Variants in CHN1 observed in about 807,000 individuals in gnomAD.
CHN1 encodes the protein chimerin 1.
In CHN1, 37 loss-of-function variants were observed where a neutral mutation model predicts 59.5. The observed-to-expected ratio is 0.62, with a 90% CI of 0.48 to 0.82. The LOEUF (loss-of-function observed/expected upper bound fraction) is 0.82, where lower values mean the gene tolerates loss of function less well. Ranked by LOEUF, CHN1 falls within the 40% of genes least tolerant of loss-of-function variation. The pLI is 0.00. For synonymous variants in CHN1, 206 were observed against 200.4 expected (o/e 1.03, Z -0.24); for missense variants, 469 against 571.0 (o/e 0.82, Z 1.82).
chr2:174,814,851 C>A (rs1190020004), intron 8 of CHN1, among the ~76,000 whole-genome samples: 1 of 151,116 alleles, frequency 6.6e-6, no homozygotes, highest in Non-Finnish European at 1.5e-5. Context: ...CAGATGCTTC[C>A]ATATCTACAC....
At chr2:174,844,265 T>TA (rs1311163568) in intron 7 of CHN1, among the ~76,000 whole-genome samples, 1 of 151,554 alleles carries the variant, frequency 6.6e-6, no homozygotes, top group African/African-American at 2.4e-5. Flanking sequence ...TTTATTCTAC[T>TA]AAAAAAACCC....
At chr2:174,927,601 T>C (rs1051774335) in intron 3 of CHN1, among the ~76,000 whole-genome samples, 5 of 152,206 alleles carry the variant, frequency 3.3e-5, no homozygotes, top group Admixed American at 1.3e-4. Flanking sequence ...TTATTTCTTT[T>C]AGTAAGGAAA....
chr2:174,993,844 AG>A (rs1397461050), intron 1 of CHN1, among the ~76,000 whole-genome samples: 7 of 152,180 alleles, frequency 4.6e-5, no homozygotes, highest in African/African-American at 1.7e-4. Flanking sequence ...CAGAAATAAA[AG>A]GTTTTTTAAT....
chr2:174,982,706 G>A (rs1468587172), intron 1 of CHN1, among the ~76,000 whole-genome samples: 1 of 152,114 alleles, frequency 6.6e-6, no homozygotes, highest in African/African-American at 2.4e-5. Context: ...ACAAGTGTAA[G>A]GTTAGGATGC....
At chr2:174,841,950 A>T (rs1055245424) in intron 7 of CHN1, among the ~76,000 whole-genome samples, 6 of 152,226 alleles carry the variant, frequency 3.9e-5, no homozygotes, top group African/African-American at 1.4e-4. Context: ...TCTCTAGTCA[A>T]TATCAGATAA....
intron 1 of CHN1, among the ~76,000 whole-genome samples, chr2:174,994,685 C>T (rs182929505): frequency 5.1e-4 from 77 of 152,216 alleles, no homozygotes; most frequent in Non-Finnish European, 9.6e-4. Context: ...CTGAGTTTTG[C>T]AAGATGTGTA....
intron 7 of CHN1, among the ~76,000 whole-genome samples, chr2:174,836,406 C>T (rs1686080555): frequency 6.6e-6 from 1 of 152,174 alleles, no homozygotes; most frequent in Non-Finnish European, 1.5e-5. Context: ...CATGTGAACG[C>T]CAACCAGTGA....
intron 5 of CHN1, among the ~76,000 whole-genome samples, chr2:174,908,828 C>T (rs1339082100): frequency 6.6e-6 from 1 of 152,006 alleles, no homozygotes; most frequent in African/African-American, 2.4e-5. Context: ...AATGCCTTGA[C>T]ACATATTAGT....
intron 8 of CHN1, among the ~76,000 whole-genome samples, chr2:174,822,929 T>C (rs965288737): frequency 1.3e-5 from 2 of 152,250 alleles, no homozygotes. Flanking sequence ...TCCCACTTCC[T>C]GTGGCAGGAA....
At chr2:174,867,210 C>CT (rs1361390367) in intron 6 of CHN1, among the ~76,000 whole-genome samples, 1 of 151,710 alleles carries the variant, frequency 6.6e-6, no homozygotes, top group Non-Finnish European at 1.5e-5. Flanking sequence ...TCTATCTTTA[C>CT]TAAAAATACA....
At chr2:174,923,596 A>C (rs937719741) in intron 3 of CHN1, among the ~76,000 whole-genome samples, 4 of 152,224 alleles carry the variant, frequency 2.6e-5, no homozygotes, top group Non-Finnish European at 5.9e-5. Flanking sequence ...CTGAGGTTAA[A>C]GGAGAGTTTT....
rs1684636871 is a variant in CHN1, at chr2:174,799,272, T to C, written c.*844A>G. 1 of 299,764 alleles carries C rather than the reference T, an allele frequency of 3.3e-6. No individual in the cohort carries two copies. The highest frequency in any genetic ancestry group is 6.5e-6 in the Non-Finnish European group (1 of 154,498). The allele number at this position is 299,764 out of a possible 1,614,324, so 18.6% of individuals were successfully genotyped here. On this transcript the variant is annotated 3_prime_UTR_variant, in exon 13 of 13. Transcript: ENST00000409900. ...CTAACTGTAAGCAGTTTTAAATGATTATTTTAGAAGCTTATCACTTTTAAC... is the reference window on the plus strand; with the variant it reads ...CTAACTGTAAGCAGTTTTAAATGATCATTTTAGAAGCTTATCACTTTTAAC...
Position 174,878,030 on chromosome 2 carries a change from C to G in CHN1, c.359G>C (p.Gly120Ala). Residue 120 changes from glycine (G) to alanine (A), a missense_variant, in exon 6 of 13, where the codon GGC becomes GCC. Coordinates refer to ENST00000409900, the MANE Select transcript of CHN1 (RefSeq NM_001822.7). ...GGTTTCAATATAGAGAGTAATCAAG[C>G]CATCAGTCACCAGATCGTGGATGGA... is the stretch of plus-strand genomic sequence containing the variant. ...FESIHDLVTD[G>A]LITLYIETKA... 1.2e-6 allele frequency: 2 copies of G among 1,613,788 alleles called. No homozygotes were observed. The highest frequency in any genetic ancestry group is 1.7e-6 in the Non-Finnish European group (2 of 1,179,786).
chr2:174,904,013 G>A (rs920194504), intron 5 of CHN1, among the ~76,000 whole-genome samples: 3 of 152,074 alleles, frequency 2.0e-5, no homozygotes, highest in African/African-American at 7.2e-5. Context: ...CTGTAATCCC[G>A]GCACTTTTGG....
chr2:174,822,516 C>T (rs1287706678), intron 8 of CHN1, among the ~76,000 whole-genome samples: 2 of 152,176 alleles, frequency 1.3e-5, no homozygotes, highest in Non-Finnish European at 2.9e-5. Flanking sequence ...AAACAATATA[C>T]ACCCTTACTC....
intron 5 of CHN1, among the ~76,000 whole-genome samples, chr2:174,908,111 G>T (rs1221988393): frequency 6.6e-6 from 1 of 152,152 alleles, no homozygotes; most frequent in African/African-American, 2.4e-5. Flanking sequence ...GGATTATCAA[G>T]ACTCTTGCAC....
Position 174,808,849 on chromosome 2 carries a change from G to C in CHN1, c.1102+56C>G, listed in dbSNP as rs191407485. 2.3e-5 allele frequency: 37 copies of C among 1,579,592 alleles called. No homozygotes were observed. The East Asian group carries it at 7.9e-4, about 34-fold the overall frequency. On this transcript the variant is annotated intron_variant, in intron 11 of 12. Coordinates refer to ENST00000409900, the MANE Select transcript of CHN1 (RefSeq NM_001822.7). ...TTCAAGTTAGCCAGAAAACCAGGAA[G>C]GTGATTACCAAGAGGACGTTGTCAG...
intron 10 of CHN1, among the ~76,000 whole-genome samples, chr2:174,809,947 AT>A (rs1163180309): frequency 6.6e-6 from 1 of 152,200 alleles, no homozygotes; most frequent in Non-Finnish European, 1.5e-5. Flanking sequence ...TGACCTCAGA[AT>A]AGTCAGCTTT....
chr2:174,994,577 A>G (rs1436014588), intron 1 of CHN1, among the ~76,000 whole-genome samples: 1 of 152,214 alleles, frequency 6.6e-6, no homozygotes, highest in African/African-American at 2.4e-5. Flanking sequence ...TCACCACACA[A>G]TAAGTGCTAG....
Sources: allele counts gnomAD v4.1 joint callset (sites outside exome capture counted in the v4.1 genomes callset), GRCh38; gene constraint gnomAD v4.1.1; transcripts MANE v1.5; gene names NCBI Gene and HGNC (gene_info 2026-07-23, HGNC 2026-07-21).